The following CCBE1 variants were observed in gnomAD, a reference collection of about 807,000 sequenced individuals.
CCBE1 encodes collagen and calcium-binding EGF domain-containing protein 1.
Under a neutral mutation model 50.0 loss-of-function variants are expected in CCBE1, and 37 were observed. The observed-to-expected ratio is 0.74, with a 90% confidence interval of 0.57 to 0.97. The LOEUF (loss-of-function observed/expected upper bound fraction) is 0.97, where lower values mean the gene tolerates loss of function less well. CCBE1 is among the 50% of genes least tolerant of loss of function. The pLI is 0.00. For synonymous variants in CCBE1, 234 were observed against 203.7 expected (o/e 1.15, Z -1.27); for missense variants, 538 against 523.8 (o/e 1.03, Z -0.26).
chr18:59,630,039 A>G (rs560802143), intron 2 of CCBE1, among the ~76,000 whole-genome samples: 3 of 152,332 alleles, frequency 2.0e-5, no homozygotes, highest in Admixed American at 1.3e-4. Flanking sequence ...CCACTGACAG[A>G]ACACACTCTA....
intron 2 of CCBE1, chr18:59,563,786 C>T (rs1568208723): frequency 6.6e-6 from 1 of 152,116 alleles, no homozygotes; most frequent in African/African-American, 2.4e-5. Flanking sequence ...AGAAATGTAC[C>T]AGAGTTGTTC....
intron 2 of CCBE1, among the ~76,000 whole-genome samples, chr18:59,537,209 C>T (rs1412108952): frequency 6.6e-6 from 1 of 152,062 alleles, no homozygotes; most frequent in Non-Finnish European, 1.5e-5. Flanking sequence ...AATCTTGTCT[C>T]TAAATTTCAA....
intron 2 of CCBE1, among the ~76,000 whole-genome samples, chr18:59,673,491 A>G (rs1250810003): frequency 6.6e-6 from 1 of 152,208 alleles, no homozygotes; most frequent in Non-Finnish European, 1.5e-5. Context: ...CAAGAAGATT[A>G]AAGAAAATAC....
chr18:59,543,015 T>A (rs553922458), intron 2 of CCBE1, among the ~76,000 whole-genome samples: 2 of 152,338 alleles, frequency 1.3e-5, no homozygotes, highest in African/African-American at 4.8e-5. Context: ...TTCTTAAAAA[T>A]TTTTAAAGTA....
intron 2 of CCBE1, among the ~76,000 whole-genome samples, chr18:59,651,287 T>C (rs886121718): frequency 1.3e-5 from 2 of 152,216 alleles, no homozygotes; most frequent in Admixed American, 6.5e-5. Flanking sequence ...TTGCAGGCAC[T>C]GGGGTTTCCT....
intron 2 of CCBE1, among the ~76,000 whole-genome samples, chr18:59,567,682 T>TG (rs1438093256): frequency 1.3e-5 from 2 of 152,220 alleles, no homozygotes; most frequent in African/African-American, 4.8e-5. Context: ...CCAGGGCTGA[T>TG]GATATCCTAC....
chr18:59,442,937 G>C (rs946176794), intron 7 of CCBE1, among the ~76,000 whole-genome samples: 14 of 152,174 alleles, frequency 9.2e-5, no homozygotes, highest in African/African-American at 3.4e-4. Flanking sequence ...CCCCTGCCCA[G>C]CTCCCTTCTA....
chr18:59,580,241 A>G (rs1040771799), intron 2 of CCBE1, among the ~76,000 whole-genome samples: 8 of 152,296 alleles, frequency 5.3e-5, no homozygotes, highest in Admixed American at 5.2e-4. Flanking sequence ...TGGAGATGCT[A>G]ATCAGAAACT....
intron 2 of CCBE1, among the ~76,000 whole-genome samples, chr18:59,527,118 T>C (rs567812266): frequency 5.9e-5 from 9 of 152,322 alleles, no homozygotes; most frequent in Non-Finnish European, 7.4e-5. Flanking sequence ...TCTCCCACTA[T>C]TATTGTGTGG....
At chr18:59,660,203 A>C (rs1229811705) in intron 2 of CCBE1, among the ~76,000 whole-genome samples, 2 of 152,246 alleles carry the variant, frequency 1.3e-5, no homozygotes, top group Non-Finnish European at 1.5e-5. Flanking sequence ...CAGTTGAAAA[A>C]TAAAGCATCA....
chr18:59,538,356 T>C (rs1915333369), intron 2 of CCBE1, among the ~76,000 whole-genome samples: 1 of 152,208 alleles, frequency 6.6e-6, no homozygotes, highest in East Asian at 1.9e-4. Context: ...TATTTTTCCT[T>C]GGAACAGCTG....
intron 6 of CCBE1, 57 bp downstream of exon 6, chr18:59,454,794 C>T: frequency 7.2e-7 from 1 of 1,388,214 alleles, no homozygotes; most frequent in East Asian, 2.3e-5. Flanking sequence ...TTCCACCTGG[C>T]CTTGGCCAAG....
chr18:59,475,494 A>G (rs1912263299), intron 3 of CCBE1, among the ~76,000 whole-genome samples: 1 of 152,096 alleles, frequency 6.6e-6, no homozygotes, highest in Non-Finnish European at 1.5e-5. Context: ...CCTTATTCAC[A>G]TCCTTGCCTT....
intron 2 of CCBE1, among the ~76,000 whole-genome samples, chr18:59,599,217 A>G (rs991232969): frequency 6.6e-6 from 1 of 152,214 alleles, no homozygotes; most frequent in African/African-American, 2.4e-5. Context: ...AGGAGAGATG[A>G]AGGCTGGGTG....
intron 2 of CCBE1, chr18:59,696,337 A>AAATCC: frequency 1.7e-6 from 1 of 602,556 alleles, no homozygotes; most frequent in Non-Finnish European, 2.6e-6. Context: ...TTTACACCCA[A>AAATCC]AATCCAATCC....
chr18:59,547,113 G>A (rs1178049753), intron 2 of CCBE1, among the ~76,000 whole-genome samples: 1 of 146,962 alleles, frequency 6.8e-6, no homozygotes, highest in Non-Finnish European at 1.5e-5. Flanking sequence ...GAGAGGGAGG[G>A]GAAGAGAGGA....
rs546035209 is a variant in CCBE1, at chr18:59,595,114, C to CAAAAAAAAAAA, written c.212+101504_212+101514dup. Among the ~76,000 whole-genome samples the CAAAAAAAAAAA allele has an allele frequency of 1.5e-4, 11 of 73,584 alleles. 1 individual carries two copies. Among genetic ancestry groups the CAAAAAAAAAAA allele is most frequent in the East Asian group, 8.6e-4 (2 of 2,326 alleles). The allele number at this position is 73,584 out of a possible 152,430, so 48.3% of individuals were successfully genotyped here. The stretch of plus-strand genomic sequence containing the variant: ...CTGGCAACAGAGCGAGACTCTGTCT[C>CAAAAAAAAAAA]AAAAAAAAAAAAAAAAAAATCCATT... On this transcript the variant is annotated intron_variant, in intron 2 of 10. Coordinates refer to ENST00000439986, the MANE Select transcript of CCBE1 (RefSeq NM_133459.4).
intron 2 of CCBE1, among the ~76,000 whole-genome samples, chr18:59,482,087 T>C (rs604803): frequency 0.36 from 54,678 of 151,766 alleles, 10,085 homozygotes; most frequent in East Asian, 0.55. Flanking sequence ...ATGATGTTCC[T>C]GTCCCTGTGT....
At chr18:59,586,377 A>G (rs946847533) in intron 2 of CCBE1, among the ~76,000 whole-genome samples, 1 of 152,208 alleles carries the variant, frequency 6.6e-6, no homozygotes, top group Non-Finnish European at 1.5e-5. Flanking sequence ...GATAATCTCC[A>G]TGTCTGGAAA....
Sources: allele counts gnomAD v4.1 joint callset (sites outside exome capture counted in the v4.1 genomes callset), GRCh38; gene constraint gnomAD v4.1.1; transcripts MANE v1.5; gene names NCBI Gene and HGNC (gene_info 2026-07-23, HGNC 2026-07-21).